The following YLPM1 variants were observed in gnomAD, a reference collection of about 807,000 sequenced individuals.
The protein encoded by YLPM1 is YLP motif containing 1.
YLPM1 carries 99 observed loss-of-function variants against 230.0 expected under a neutral mutation model. That is an observed-to-expected ratio of 0.43 (90% confidence interval 0.37 to 0.51). YLPM1 has a LOEUF of 0.51. Among genes scored for constraint, YLPM1 ranks in the 20% least tolerant of loss-of-function variants. YLPM1 has a pLI of 0.00. For missense variants in YLPM1, 2,592 were observed against 2,707.7 expected (o/e 0.96, Z 0.95); for synonymous variants, 984 against 942.5 (o/e 1.04, Z -0.81).
At chr14:74,789,397 A>C (rs2091182889) in intron 4 of YLPM1, among the ~76,000 whole-genome samples, 1 of 151,860 alleles carries the variant, frequency 6.6e-6, no homozygotes, top group Non-Finnish European at 1.5e-5. Flanking sequence ...TTGTGTTTTT[A>C]GTACAGATGG....
intron 5 of YLPM1, among the ~76,000 whole-genome samples, chr14:74,802,217 CAAA>C (rs34503917): frequency 1.1e-4 from 10 of 95,036 alleles, no homozygotes; most frequent in Non-Finnish European, 1.6e-4. Context: ...GACTCTGTCT[CAAA>C]AAAAAAAAAA....
intron 20 of YLPM1, 31 bp downstream of exon 20, chr14:74,835,478 C>CT: frequency 1.9e-6 from 3 of 1,563,782 alleles, no homozygotes; most frequent in Non-Finnish European, 2.6e-6. Flanking sequence ...AAATAGCCTA[C>CT]TGTGTGGTTG....
chr14:74,803,634 T>C (rs1309217883), intron 6 of YLPM1, among the ~76,000 whole-genome samples: 1 of 152,180 alleles, frequency 6.6e-6, no homozygotes, highest in African/African-American at 2.4e-5. Context: ...AAATGCAGCA[T>C]ATTCAAAATG....
intron 18 of YLPM1, among the ~76,000 whole-genome samples, chr14:74,828,712 C>CA (rs562175317): frequency 1.9e-3 from 266 of 142,384 alleles, no homozygotes; most frequent in South Asian, 4.9e-3. Context: ...AACCAAAATC[C>CA]AAAAAAAAAA....
rs554403757 is a variant in YLPM1 at position 74,805,246 on chromosome 14, C to T, written c.4521+2570C>T. On this transcript the variant is annotated intron_variant, in intron 6 of 20. Transcript: ENST00000325680. Reference sequence around the variant, plus strand: ...CAATTGGCCAGGCTGGTCTTGAACTCCTGACCTCAGGTGATCCACCTGCCT... The same window carrying T: ...CAATTGGCCAGGCTGGTCTTGAACTTCTGACCTCAGGTGATCCACCTGCCT... Among the ~76,000 whole-genome samples the T allele has an allele frequency of 6.8e-4, 104 of 152,222 alleles. 1 individual carries two copies. Among genetic ancestry groups the T allele is most frequent in the Non-Finnish European group, 1.4e-3 (92 of 67,996 alleles).
In YLPM1 at chr14:74,823,701, G is replaced by A. The variant is rs570953997; in HGVS notation, c.6112-555G>A. ...ATGCTCTAACTGGTAAATGAATTGA[G>A]TCATTTTAAAATGAAGTTGAACTTC... On this transcript the variant is annotated intron_variant, in intron 17 of 20. Transcript: ENST00000325680. Among the ~76,000 whole-genome samples the A allele has an allele frequency of 5.3e-5, 8 of 152,202 alleles. No homozygotes were observed. In the East Asian group the frequency reaches 1.3e-3, roughly 26 times the overall value.
intron 2 of YLPM1, 126 bp downstream of exon 2, chr14:74,778,809 T>C (rs2091066525): frequency 1.4e-6 from 1 of 697,178 alleles, no homozygotes; most frequent in African/African-American, 1.8e-5. Flanking sequence ...GTTGCATTTG[T>C]GAAATCAGAT....
At chr14:74,828,087 C>T in intron 18 of YLPM1, 1 of 819,126 alleles carries the variant, frequency 1.2e-6, no homozygotes. Flanking sequence ...GTTTTTAAAG[C>T]TTGTAACAGT....
chr14:74,782,207 G>A lies in YLPM1; in HGVS notation c.2164G>A (p.Glu722Lys), dbSNP rs1339223518. ...ATTCTCATCTGATCAAGGACTTGGG[G>A]AGTCTTCAGCTGCTCCATCTCAGCC... The part of the protein sequence containing the change: ...SSFSSDQGLG[E>K]SSAAPSQPIT... Residue 722 changes from glutamate to lysine, a missense_variant, in exon 4 of 21, where the codon GAG (glutamate) becomes AAG (lysine). Coordinates refer to ENST00000325680, the MANE Select transcript of YLPM1 (RefSeq NM_019589.3). The A allele has an allele frequency of 6.2e-7, 1 of 1,605,232 alleles. No homozygotes were observed. The highest frequency in any genetic ancestry group is 1.1e-5 in the South Asian group (1 of 91,030).
Position 74,812,645 on chromosome 14 carries a change from C to G in YLPM1, c.5365C>G (p.Pro1789Ala). 1 of 1,613,404 alleles carries G rather than the reference C, an allele frequency of 6.2e-7. No homozygotes were observed. The highest frequency in any genetic ancestry group is 8.5e-7 in the Non-Finnish European group (1 of 1,179,664). Residue 1789 changes from proline (P) to alanine (A), a missense_variant, in exon 11 of 21, where the codon CCT becomes GCT. Physicochemically the swap from Pro to Ala is conservative, Grantham distance 27. This residue lies in a region of YLPM1 where 403 missense variants were observed against 426.7 expected (regional missense o/e 0.94). Transcript: ENST00000325680. ...SMFGGERRTY[P>A]EERMPLPAPS... ...AATCCTAGGAGAACGAAGGACTTAT[C>G]CTGAGGAGCGAATGCCTCTGCCAGC...
chr14:74,790,199 T>C (rs1010419430), intron 4 of YLPM1, among the ~76,000 whole-genome samples: 4 of 152,184 alleles, frequency 2.6e-5, no homozygotes, highest in African/African-American at 2.4e-5. Flanking sequence ...GTGGACTTTT[T>C]CCATTCTATA....
Position 74,801,504 on chromosome 14 carries a change from G to A in YLPM1, c.4401-1052G>A, listed in dbSNP as rs548318938. On this transcript the variant is annotated intron_variant, in intron 5 of 20. Coordinates refer to ENST00000325680, the MANE Select transcript of YLPM1 (RefSeq NM_019589.3). ...ATTTCGTCAGTTTAAAGAAAAAACC[G>A]AAGGATTACATAATTATCTTCAGGA... Among the ~76,000 whole-genome samples, 27 of 152,270 alleles carry A rather than the reference G, an allele frequency of 1.8e-4. No homozygotes were observed. The East Asian group carries it at 2.5e-3, about 14-fold the overall frequency.
chr14:74,804,357 T>C (rs962621026), intron 6 of YLPM1, among the ~76,000 whole-genome samples: 2 of 152,236 alleles, frequency 1.3e-5, no homozygotes, highest in Non-Finnish European at 2.9e-5. Flanking sequence ...GGATGAAATT[T>C]AGAATCTCTT....
chr14:74,807,969 T>C (rs986896717), intron 6 of YLPM1, among the ~76,000 whole-genome samples: 1 of 152,246 alleles, frequency 6.6e-6, no homozygotes, highest in African/African-American at 2.4e-5. Context: ...ATCAGAATTA[T>C]TCATGGAGGG....
chr14:74,805,285 T>A (rs1473338522), intron 6 of YLPM1, among the ~76,000 whole-genome samples: 2 of 152,048 alleles, frequency 1.3e-5, no homozygotes, highest in African/African-American at 4.8e-5. Flanking sequence ...CCTCCGAAAG[T>A]GCTGGGATTA....
intron 16 of YLPM1, among the ~76,000 whole-genome samples, chr14:74,819,273 C>CTTTTT (rs199554037): frequency 1.7e-5 from 2 of 119,780 alleles, no homozygotes; most frequent in African/African-American, 6.3e-5. Flanking sequence ...TGTCATTGTG[C>CTTTTT]TTTTTTTTTT....
intron 8 of YLPM1, 43 bp downstream of exon 8, chr14:74,810,045 C>T: frequency 6.6e-7 from 1 of 1,524,702 alleles, no homozygotes; most frequent in Non-Finnish European, 8.9e-7. Context: ...CATTTTAGGG[C>T]CTAATTATCA....
chr14:74,825,646 T>C (rs1488132408), intron 18 of YLPM1, among the ~76,000 whole-genome samples: 1 of 152,180 alleles, frequency 6.6e-6, no homozygotes, highest in East Asian at 1.9e-4. Context: ...GTTCTGTACA[T>C]TAGAATGACC....
At chr14:74,766,487 C>CAT (rs909805233) in intron 1 of YLPM1, among the ~76,000 whole-genome samples, 23 of 151,562 alleles carry the variant, frequency 1.5e-4, no homozygotes, top group East Asian at 5.8e-4. Flanking sequence ...ATTATTGTTG[C>CAT]ATATATATAT....
Sources: allele counts gnomAD v4.1 joint callset (sites outside exome capture counted in the v4.1 genomes callset), GRCh38; gene constraint gnomAD v4.1.1; regional missense constraint gnomAD v4.1.1; transcripts MANE v1.5; gene names NCBI Gene and HGNC (gene_info 2026-07-23, HGNC 2026-07-21).